The following KIAA1328 variants were observed in gnomAD, a reference collection of about 807,000 sequenced individuals.
KIAA1328 encodes KIAA1328.
Under a neutral mutation model 68.1 loss-of-function variants are expected in KIAA1328, and 52 were observed. The observed-to-expected ratio is 0.76, with a 90% CI of 0.61 to 0.96. The LOEUF is 0.96. Among genes scored for constraint, KIAA1328 ranks in the 40% least tolerant of loss-of-function variants. KIAA1328 has a pLI of 0.00. For synonymous variants in KIAA1328, 232 were observed against 239.4 expected, an observed-to-expected ratio of 0.97 and a Z score of 0.28; for missense variants, 641 against 677.6, an observed-to-expected ratio of 0.95 and a Z score of 0.60.
chr18:37,073,189 C>T (rs2056594443), intron 7 of KIAA1328, among the ~76,000 whole-genome samples: 1 of 152,208 alleles, frequency 6.6e-6, no homozygotes, highest in Non-Finnish European at 1.5e-5. Context: ...TAAAGAGCTT[C>T]TGCACAGCAA....
chr18:37,152,406 A>C (rs2059056136), intron 7 of KIAA1328, among the ~76,000 whole-genome samples: 1 of 152,168 alleles, frequency 6.6e-6, no homozygotes, highest in Non-Finnish European at 1.5e-5. Flanking sequence ...ATAAGGGTCT[A>C]AAGTTGCCTT....
intron 7 of KIAA1328, among the ~76,000 whole-genome samples, chr18:37,123,558 A>C (rs1251233395): frequency 6.6e-6 from 1 of 152,178 alleles, no homozygotes; most frequent in Non-Finnish European, 1.5e-5. Flanking sequence ...GACATAAGAG[A>C]GTTTCAAAGA....
intron 5 of KIAA1328, among the ~76,000 whole-genome samples, chr18:36,926,610 C>T (rs1419636662): frequency 6.6e-6 from 1 of 152,094 alleles, no homozygotes; most frequent in African/African-American, 2.4e-5. Context: ...AAGTCTAAAC[C>T]ACTCTCTGGA....
rs572415667 is a variant in KIAA1328, at chr18:37,154,890, C to T, written c.1233-5310C>T. On this transcript the variant is annotated intron_variant, in intron 7 of 9. Coordinates refer to ENST00000280020, the MANE Select transcript of KIAA1328 (RefSeq NM_020776.3). ...CTGCCAGTCTTTTCAGTCCCTGTTG[C>T]CTCACTTTCTTCCTGGACCGAATGG... Among the ~76,000 whole-genome samples the T allele has an allele frequency of 7.2e-5, 11 of 152,152 alleles. No homozygotes were observed. In the South Asian group the frequency reaches 2.3e-3, roughly 32 times the overall value.
intron 6 of KIAA1328, among the ~76,000 whole-genome samples, chr18:36,962,161 G>C (rs529134221): frequency 5.3e-5 from 8 of 152,094 alleles, no homozygotes; most frequent in African/African-American, 1.9e-4. Context: ...AAAAACCAGG[G>C]GTTGCAATCC....
At chr18:36,878,270 C>T (rs1220768261) in intron 4 of KIAA1328, among the ~76,000 whole-genome samples, 3 of 152,082 alleles carry the variant, frequency 2.0e-5, no homozygotes, top group Non-Finnish European at 4.4e-5. Flanking sequence ...TTTTATTTCT[C>T]CTTTGCGTAT....
chr18:37,211,763 CAGAA>C (rs966909545), intron 9 of KIAA1328, among the ~76,000 whole-genome samples: 49 of 152,252 alleles, frequency 3.2e-4, no homozygotes, highest in Admixed American at 2.7e-3. Flanking sequence ...AATGAGTACT[CAGAA>C]AGAATTTGAA....
intron 5 of KIAA1328, among the ~76,000 whole-genome samples, chr18:36,953,963 A>G (rs1051294080): frequency 3.4e-5 from 5 of 147,880 alleles, no homozygotes; most frequent in Non-Finnish European, 7.5e-5. Context: ...GCTTTGCAAA[A>G]TCTCCCATAT....
chr18:36,999,487 T>TA (rs1232202421), intron 6 of KIAA1328, among the ~76,000 whole-genome samples: 4 of 152,020 alleles, frequency 2.6e-5, no homozygotes, highest in African/African-American at 9.7e-5. Flanking sequence ...CTGTCTGAAA[T>TA]AAAAAATAGA....
intron 9 of KIAA1328, among the ~76,000 whole-genome samples, chr18:37,212,269 A>G (rs2060331269): frequency 1.3e-5 from 2 of 152,256 alleles, no homozygotes; most frequent in Non-Finnish European, 2.9e-5. Context: ...AGATAACTGT[A>G]TTGAAATATT....
chr18:36,871,095 A>G (rs777610152), intron 4 of KIAA1328, among the ~76,000 whole-genome samples: 56 of 152,214 alleles, frequency 3.7e-4, no homozygotes, highest in Admixed American at 1.4e-3. Flanking sequence ...TTAGCTCTCA[A>G]TTGGAAATTG....
chr18:36,875,270 C>T (rs567225296), intron 4 of KIAA1328, among the ~76,000 whole-genome samples: 5 of 152,260 alleles, frequency 3.3e-5, no homozygotes, highest in Non-Finnish European at 7.4e-5. Flanking sequence ...GCAGTATGGC[C>T]ATTTTCACAA....
At chr18:36,984,888 G>C (rs1035303115) in intron 6 of KIAA1328, among the ~76,000 whole-genome samples, 1 of 113,186 alleles carries the variant, frequency 8.8e-6, no homozygotes, top group African/African-American at 3.5e-5. Flanking sequence ...CCTGGAGACA[G>C]AGCAAGACTC....
intron 6 of KIAA1328, among the ~76,000 whole-genome samples, chr18:36,988,051 G>A (rs2053018589): frequency 6.6e-6 from 1 of 152,054 alleles, no homozygotes; most frequent in South Asian, 2.1e-4. Context: ...TCCTGACAAA[G>A]TGGAAATGTT....
intron 6 of KIAA1328, among the ~76,000 whole-genome samples, chr18:37,054,957 A>G (rs1280312986): frequency 6.6e-6 from 1 of 152,124 alleles, no homozygotes; most frequent in Non-Finnish European, 1.5e-5. Context: ...TTTACACTTT[A>G]TTGTGTGCCT....
chr18:36,892,608 C>G (rs1322598244), intron 5 of KIAA1328, among the ~76,000 whole-genome samples: 8 of 152,098 alleles, frequency 5.3e-5, no homozygotes, highest in Admixed American at 5.2e-4. Context: ...TTTTACTGAT[C>G]TGATAATCAT....
intron 5 of KIAA1328, among the ~76,000 whole-genome samples, chr18:36,941,736 C>T (rs1262997771): frequency 6.6e-6 from 1 of 151,964 alleles, no homozygotes; most frequent in Non-Finnish European, 1.5e-5. Flanking sequence ...ATTACTCTTA[C>T]CCTATTCACA....
At chr18:37,204,183 G>A (rs762474868) in intron 9 of KIAA1328, among the ~76,000 whole-genome samples, 1 of 152,146 alleles carries the variant, frequency 6.6e-6, no homozygotes, top group Non-Finnish European at 1.5e-5. Flanking sequence ...TACCAGAGAA[G>A]CAAGAGTTTT....
intron 6 of KIAA1328, among the ~76,000 whole-genome samples, chr18:37,034,423 G>A (rs928685255): frequency 1.6e-4 from 24 of 152,056 alleles, no homozygotes; most frequent in African/African-American, 5.1e-4. Flanking sequence ...ATAATAAAAT[G>A]GAATAAAGAG....
Sources: allele counts gnomAD v4.1 joint callset (sites outside exome capture counted in the v4.1 genomes callset), GRCh38; gene constraint gnomAD v4.1.1; transcripts MANE v1.5; gene names NCBI Gene and HGNC (gene_info 2026-07-23, HGNC 2026-07-21).